The following KCNQ5 variants were observed in gnomAD, a reference collection of about 807,000 sequenced individuals.
KCNQ5 encodes potassium voltage-gated channel subfamily KQT member 5.
A neutral mutation model predicts 98.2 loss-of-function variants in KCNQ5; 30 were observed. That is an observed-to-expected ratio of 0.31 (90% CI 0.23 to 0.41). The LOEUF is 0.41. Ranked by LOEUF, KCNQ5 falls within the 10% of genes least tolerant of loss-of-function variation. The pLI is 1.00. For synonymous variants in KCNQ5, 458 were observed against 449.4 expected (o/e 1.02, Z -0.24); for missense variants, 835 against 1,182.5 (o/e 0.71, Z 4.31).
intron 1 of KCNQ5, among the ~76,000 whole-genome samples, chr6:72,997,155 T>C (rs578006382): frequency 2.5e-4 from 38 of 152,234 alleles, no homozygotes; most frequent in African/African-American, 9.1e-4. Flanking sequence ...TGTCTATCAG[T>C]GATGTTTCAA....
chr6:73,090,298 T>G (rs960002518), intron 5 of KCNQ5, among the ~76,000 whole-genome samples: 4 of 152,194 alleles, frequency 2.6e-5, no homozygotes, highest in African/African-American at 9.6e-5. Context: ...TCATTGTAGA[T>G]TCTAGATATT....
intron 1 of KCNQ5, among the ~76,000 whole-genome samples, chr6:72,866,970 G>A (rs541154189): frequency 1.3e-5 from 2 of 151,718 alleles, no homozygotes; most frequent in Non-Finnish European, 2.9e-5. Context: ...TTTTTTTTCT[G>A]TCAAGCCCTT....
At chr6:73,001,457 G>A in intron 1 of KCNQ5, among the ~76,000 whole-genome samples, 1 of 152,158 alleles carries the variant, frequency 6.6e-6, no homozygotes, top group East Asian at 1.9e-4. Context: ...TTCAAATATT[G>A]ATGAAGAAGG....
At chr6:72,832,594 T>C (rs1381448160) in intron 1 of KCNQ5, among the ~76,000 whole-genome samples, 1 of 152,152 alleles carries the variant, frequency 6.6e-6, no homozygotes, top group African/African-American at 2.4e-5. Context: ...TCTTGTTTAG[T>C]CAAGCAAACT....
At chr6:72,699,547 T>G (rs971029426) in intron 1 of KCNQ5, among the ~76,000 whole-genome samples, 1 of 152,214 alleles carries the variant, frequency 6.6e-6, no homozygotes, top group African/African-American at 2.4e-5. Flanking sequence ...GCTGCTTATA[T>G]CAAGTTAATT....
intron 1 of KCNQ5, among the ~76,000 whole-genome samples, chr6:72,834,859 T>C (rs1776433453): frequency 6.6e-6 from 1 of 152,172 alleles, no homozygotes; most frequent in African/African-American, 2.4e-5. Context: ...GGAATGATTT[T>C]CTTTTGGTTC....
At chr6:73,098,527 C>T (rs4706528) in intron 5 of KCNQ5, among the ~76,000 whole-genome samples, 1 of 152,090 alleles carries the variant, frequency 6.6e-6, no homozygotes, top group Non-Finnish European at 1.5e-5. Flanking sequence ...AAATAACGTG[C>T]AATGGAGCTC....
intron 1 of KCNQ5, among the ~76,000 whole-genome samples, chr6:72,742,784 AT>A (rs1331044836): frequency 6.6e-6 from 1 of 152,068 alleles, no homozygotes; most frequent in Non-Finnish European, 1.5e-5. Context: ...TTGAGTTGAA[AT>A]TTTCCCTGAG....
intron 10 of KCNQ5, among the ~76,000 whole-genome samples, chr6:73,139,430 A>C (rs1018809465): frequency 6.6e-6 from 1 of 152,212 alleles, no homozygotes; most frequent in African/African-American, 2.4e-5. Flanking sequence ...AACTTTCCAT[A>C]GTATAATATT....
chr6:73,116,973 A>C (rs1775530552), intron 7 of KCNQ5, among the ~76,000 whole-genome samples: 1 of 152,194 alleles, frequency 6.6e-6, no homozygotes. Context: ...CTCCCAAAAA[A>C]ACTGAATTAT....
At chr6:72,939,738 G>T (rs371970842) in intron 1 of KCNQ5, among the ~76,000 whole-genome samples, 3 of 152,190 alleles carry the variant, frequency 2.0e-5, no homozygotes, top group African/African-American at 7.2e-5. Context: ...AAATCAGAGA[G>T]TATCTCTGGT....
At chr6:73,129,867 T>A (rs541941734) in intron 9 of KCNQ5, 2 of 1,607,334 alleles carry the variant, frequency 1.2e-6, no homozygotes, top group African/African-American at 1.3e-5. Flanking sequence ...GCATCCGGGC[T>A]ATTGACATGA....
intron 1 of KCNQ5, among the ~76,000 whole-genome samples, chr6:72,894,571 T>A (rs1779173133): frequency 6.6e-6 from 1 of 152,226 alleles, no homozygotes; most frequent in South Asian, 2.1e-4. Context: ...AGAAAATTAA[T>A]TTCCCTCTGG....
At chr6:72,733,595 A>G (rs1052484361) in intron 1 of KCNQ5, among the ~76,000 whole-genome samples, 2 of 152,226 alleles carry the variant, frequency 1.3e-5, no homozygotes, top group African/African-American at 4.8e-5. Context: ...CAGTATAAGA[A>G]AGAGAGGAGA....
chr6:72,982,960 G>A (rs537849036), intron 1 of KCNQ5, among the ~76,000 whole-genome samples: 2 of 152,284 alleles, frequency 1.3e-5, no homozygotes, highest in South Asian at 2.1e-4. Flanking sequence ...GAAATTCTGG[G>A]TTGAAAATTC....
intron 1 of KCNQ5, among the ~76,000 whole-genome samples, chr6:72,859,882 G>A (rs1292500763): frequency 1.3e-5 from 2 of 151,840 alleles, no homozygotes; most frequent in African/African-American, 4.8e-5. Flanking sequence ...GAGCCACTGT[G>A]CCTGACCTGT....
chr6:72,870,245 A>G (rs1397443796), intron 1 of KCNQ5, among the ~76,000 whole-genome samples: 1 of 151,796 alleles, frequency 6.6e-6, no homozygotes, highest in Non-Finnish European at 1.5e-5. Flanking sequence ...TGGGTGATGT[A>G]TTTGTCTTTT....
In KCNQ5 at chr6:72,955,532, T is replaced by C. The variant is rs183718428; in HGVS notation, c.399-48376T>C. On this transcript the variant is annotated intron_variant, in intron 1 of 13. Coordinates refer to ENST00000370398, the MANE Select transcript of KCNQ5 (RefSeq NM_019842.4). ...ATTATAACTATAAGTAGGAACTTTGTGCCTCTAATTAAAAAAGAAGATGTA... is the reference window on the plus strand; with the variant it reads ...ATTATAACTATAAGTAGGAACTTTGCGCCTCTAATTAAAAAAGAAGATGTA... 3.3e-5 allele frequency among the ~76,000 whole-genome samples: 5 copies of C among 152,334 alleles called. No homozygotes were observed. In the East Asian group the frequency reaches 9.6e-4, roughly 29 times the overall value.
At chr6:72,718,584 G>A (rs1319481052) in intron 1 of KCNQ5, among the ~76,000 whole-genome samples, 1 of 151,264 alleles carries the variant, frequency 6.6e-6, no homozygotes, top group Non-Finnish European at 1.5e-5. Flanking sequence ...CCGAGTAGCT[G>A]GGACTACAGG....
Sources: allele counts gnomAD v4.1 joint callset (sites outside exome capture counted in the v4.1 genomes callset), GRCh38; gene constraint gnomAD v4.1.1; transcripts MANE v1.5; gene names NCBI Gene and HGNC (gene_info 2026-07-23, HGNC 2026-07-21).